Variants in MLLT3 observed in about 807,000 individuals in gnomAD.
MLLT3 encodes the protein protein AF-9.
A neutral mutation model predicts 53.2 loss-of-function variants in MLLT3; 4 were observed. That is an observed-to-expected ratio of 0.08 (90% CI 0.04 to 0.17). The LOEUF is 0.17. Ranked by LOEUF, MLLT3 falls within the 10% of genes least tolerant of loss-of-function variation. The probability of loss-of-function intolerance (pLI) is 1.00; values close to 1 mark genes in which losing one functional copy is unlikely to be tolerated. For synonymous variants in MLLT3, 283 were observed against 230.6 expected, an observed-to-expected ratio of 1.23 and a Z score of -2.06; for missense variants, 569 against 684.0, an observed-to-expected ratio of 0.83 and a Z score of 1.87.
chr9:20,469,542 G>T (rs1247210235), intron 2 of MLLT3, among the ~76,000 whole-genome samples: 1 of 151,990 alleles, frequency 6.6e-6, no homozygotes, highest in Non-Finnish European at 1.5e-5. Context: ...ATAGGTTTAT[G>T]CCCTATTCAA....
At chr9:20,355,688 G>A (rs1821155748) in intron 8 of MLLT3, among the ~76,000 whole-genome samples, 1 of 152,234 alleles carries the variant, frequency 6.6e-6, no homozygotes, top group South Asian at 2.1e-4. Flanking sequence ...ATTTATAAAT[G>A]ATGAGTGCTT....
chr9:20,575,566 G>A (rs1819632557), intron 2 of MLLT3, among the ~76,000 whole-genome samples: 1 of 152,188 alleles, frequency 6.6e-6, no homozygotes, highest in South Asian at 2.1e-4. Context: ...CAGAATAGAT[G>A]CTGTGTCACC....
At position 20,434,209 on chromosome 9, in the gene MLLT3, G is replaced by A. The variant is rs770448229; in HGVS notation, c.420+13914C>T. Among the ~76,000 whole-genome samples, 18 of 152,220 alleles carry A rather than the reference G, an allele frequency of 1.2e-4. No individual in the cohort carries two copies. The Middle Eastern group carries it at 0.01, about 86-fold the overall frequency. On this transcript the variant is annotated intron_variant, in intron 4 of 10. Transcript: ENST00000380338. ...GATCTGAGGATAACAAGTTAATAAT[G>A]TATCAGTGCTAATTCCTGACTTGGA...
rs570967460 is a variant in MLLT3 at position 20,577,292 on chromosome 9, G to A, written c.193+43362C>T. ...AGATGCACAAAAAAATCATGAAGTAGGCTAGACACTAACCTGATATATTCA... is the reference window on the plus strand; with the variant it reads ...AGATGCACAAAAAAATCATGAAGTAAGCTAGACACTAACCTGATATATTCA... On this transcript the variant is annotated intron_variant, in intron 2 of 10. Transcript: ENST00000380338. Among the ~76,000 whole-genome samples the A allele has an allele frequency of 2.2e-3, 340 of 152,214 alleles. 2 individuals carry two copies. Among genetic ancestry groups the A allele is most frequent in the African/African-American group, 8.0e-3 (332 of 41,510 alleles).
intron 3 of MLLT3, among the ~76,000 whole-genome samples, chr9:20,450,029 C>T (rs1823800657): frequency 6.6e-6 from 1 of 152,222 alleles, no homozygotes; most frequent in South Asian, 2.1e-4. Context: ...TGACTTACGG[C>T]AGCATCCAAT....
At chr9:20,531,775 T>G (rs1437489671) in intron 2 of MLLT3, among the ~76,000 whole-genome samples, 1 of 152,196 alleles carries the variant, frequency 6.6e-6, no homozygotes, top group Non-Finnish European at 1.5e-5. Flanking sequence ...TTTAAAATAT[T>G]TTTTCATCTC....
chr9:20,524,290 T>G (rs1356422928), intron 2 of MLLT3, among the ~76,000 whole-genome samples: 1 of 151,906 alleles, frequency 6.6e-6, no homozygotes, highest in Non-Finnish European at 1.5e-5. Flanking sequence ...TCCTCTAAAT[T>G]TTTAAAAAGT....
At chr9:20,522,845 C>T (rs1290831768) in intron 2 of MLLT3, among the ~76,000 whole-genome samples, 1 of 152,070 alleles carries the variant, frequency 6.6e-6, no homozygotes, top group Non-Finnish European at 1.5e-5. Context: ...CCTGTAGGGC[C>T]AGCTACTCTG....
chr9:20,432,691 C>G (rs1187283938), intron 4 of MLLT3, among the ~76,000 whole-genome samples: 1 of 151,872 alleles, frequency 6.6e-6, no homozygotes, highest in East Asian at 1.9e-4. Context: ...ATAAGAACAA[C>G]AGTTTAAAAG....
At chr9:20,418,864 C>G (rs912213829) in intron 4 of MLLT3, among the ~76,000 whole-genome samples, 4 of 152,168 alleles carry the variant, frequency 2.6e-5, no homozygotes, top group Non-Finnish European at 5.9e-5. Context: ...AGAGTCTGCT[C>G]TTAGGGCTGC....
chr9:20,553,714 C>T (rs1028153183), intron 2 of MLLT3, among the ~76,000 whole-genome samples: 2 of 152,146 alleles, frequency 1.3e-5, no homozygotes, highest in African/African-American at 4.8e-5. Context: ...ACCTTTTAGA[C>T]ATTCTTATCT....
chr9:20,556,437 C>G (rs984173031), intron 2 of MLLT3, among the ~76,000 whole-genome samples: 3 of 152,092 alleles, frequency 2.0e-5, no homozygotes, highest in Admixed American at 2.0e-4. Flanking sequence ...GTAATCTCGG[C>G]ACTTTGAGAG....
At chr9:20,544,375 GA>G (rs1444564952) in intron 2 of MLLT3, among the ~76,000 whole-genome samples, 2 of 152,156 alleles carry the variant, frequency 1.3e-5, no homozygotes, top group African/African-American at 4.8e-5. Flanking sequence ...GGCAACCTAT[GA>G]AATGGGAATA....
intron 8 of MLLT3, among the ~76,000 whole-genome samples, chr9:20,356,051 G>T (rs1821163502): frequency 6.6e-6 from 1 of 152,140 alleles, no homozygotes. Flanking sequence ...TGGGAGAGAT[G>T]AACAAGATAA....
At chr9:20,381,008 A>C (rs1821895990) in intron 5 of MLLT3, among the ~76,000 whole-genome samples, 2 of 152,102 alleles carry the variant, frequency 1.3e-5, no homozygotes, top group African/African-American at 4.8e-5. Flanking sequence ...GCTTTAAAGA[A>C]ACACTAAGGC....
intron 2 of MLLT3, among the ~76,000 whole-genome samples, chr9:20,530,948 G>A (rs1475616062): frequency 6.6e-6 from 1 of 151,148 alleles, no homozygotes; most frequent in Non-Finnish European, 1.5e-5. Flanking sequence ...TACATTTTGA[G>A]CAAATTATGT....
At chr9:20,472,567 A>T (rs775583987) in intron 2 of MLLT3, among the ~76,000 whole-genome samples, 16 of 152,078 alleles carry the variant, frequency 1.1e-4, no homozygotes, top group Non-Finnish European at 1.6e-4. Context: ...CCAAGTCTTT[A>T]GCAGCAGTAG....
chr9:20,583,092 C>A (rs1039635557), intron 2 of MLLT3, among the ~76,000 whole-genome samples: 1 of 152,132 alleles, frequency 6.6e-6, no homozygotes, highest in Non-Finnish European at 1.5e-5. Context: ...TTCCTAGATA[C>A]AATGGGAGTA....
At chr9:20,444,881 A>C (rs1823656075) in intron 4 of MLLT3, among the ~76,000 whole-genome samples, 2 of 151,906 alleles carry the variant, frequency 1.3e-5, no homozygotes, top group Non-Finnish European at 2.9e-5. Flanking sequence ...CAAAAAATAA[A>C]AATAAAAATC....
Sources: allele counts gnomAD v4.1 joint callset (sites outside exome capture counted in the v4.1 genomes callset), GRCh38; gene constraint gnomAD v4.1.1; transcripts MANE v1.5; gene names NCBI Gene and HGNC (gene_info 2026-07-23, HGNC 2026-07-21).